CHRM3: variants seen among roughly 807,000 people sequenced by gnomAD.
CHRM3 encodes the protein muscarinic acetylcholine receptor M3.
CHRM3 carries 11 observed loss-of-function variants against 41.8 expected under a neutral mutation model. That is an observed-to-expected ratio of 0.26 (90% CI 0.17 to 0.44). The LOEUF is 0.44. CHRM3 is among the 20% of genes least tolerant of loss of function. The pLI, the probability that CHRM3 is intolerant of heterozygous loss-of-function variation, is 1.00. For synonymous variants in CHRM3, 297 were observed against 301.4 expected (o/e 0.99, Z 0.15); for missense variants, 571 against 745.4 (o/e 0.77, Z 2.72).
chr1:239,415,130 T>G (rs1446082705), intron 1 of CHRM3, among the ~76,000 whole-genome samples: 2 of 152,062 alleles, frequency 1.3e-5, no homozygotes, highest in Non-Finnish European at 2.9e-5. Context: ...GCAAAAAAAG[T>G]CTAAGTTTTT....
At chr1:239,659,729 C>T (rs2149004067) in intron 4 of CHRM3, among the ~76,000 whole-genome samples, 1 of 152,282 alleles carries the variant, frequency 6.6e-6, no homozygotes, top group East Asian at 1.9e-4. Context: ...AAGTGTATCT[C>T]CCCAACTCTC....
chr1:239,610,044 T>C (rs897692977), intron 3 of CHRM3, among the ~76,000 whole-genome samples: 2 of 151,658 alleles, frequency 1.3e-5, no homozygotes, highest in Non-Finnish European at 2.9e-5. Flanking sequence ...TACAAAAAAA[T>C]TAGCCGGGTG....
At chr1:239,405,595 C>T (rs1191000611) in intron 1 of CHRM3, among the ~76,000 whole-genome samples, 1 of 151,964 alleles carries the variant, frequency 6.6e-6, no homozygotes, top group Non-Finnish European at 1.5e-5. Context: ...GCTTCAATTA[C>T]ATTTTTCTTT....
At chr1:239,688,475 A>G (rs1659371813) in intron 5 of CHRM3, among the ~76,000 whole-genome samples, 1 of 141,578 alleles carries the variant, frequency 7.1e-6, no homozygotes, top group South Asian at 2.1e-4. Flanking sequence ...TATATTATAT[A>G]TTATTCAATA....
intron 5 of CHRM3, among the ~76,000 whole-genome samples, chr1:239,786,737 G>GA (rs1248280294): frequency 6.6e-6 from 1 of 151,974 alleles, no homozygotes; most frequent in African/African-American, 2.4e-5. Flanking sequence ...GCTGCTGAAG[G>GA]TGTCATATGC....
rs571745772 is a variant in CHRM3, at chr1:239,832,845, G to T, written c.-20+5467G>T. Among the ~76,000 whole-genome samples the T allele has an allele frequency of 3.3e-5, 5 of 152,256 alleles. No individual in the cohort carries two copies. The East Asian group carries it at 9.7e-4, about 29-fold the overall frequency. On this transcript the variant is annotated intron_variant, in intron 6 of 6. Transcript: ENST00000676153. ...TTAAAGCAAAATTAGGAATGCTTCT[G>T]TTCTCAAGATATTGGGATATCAGGA... is the stretch of plus-strand genomic sequence containing the variant.
intron 3 of CHRM3, among the ~76,000 whole-genome samples, chr1:239,573,936 A>G (rs1469097295): frequency 1.3e-5 from 2 of 151,984 alleles, no homozygotes; most frequent in Admixed American, 6.6e-5. Context: ...TCTATTTAGT[A>G]ATTTCTCTAT....
chr1:239,815,118 T>C (rs980943333), intron 5 of CHRM3, among the ~76,000 whole-genome samples: 12 of 152,210 alleles, frequency 7.9e-5, no homozygotes, highest in African/African-American at 2.7e-4. Flanking sequence ...AAAGTACCCA[T>C]TGATCTTTTT....
intron 3 of CHRM3, among the ~76,000 whole-genome samples, chr1:239,570,837 C>T (rs1661762825): frequency 6.6e-6 from 1 of 152,088 alleles, no homozygotes; most frequent in Non-Finnish European, 1.5e-5. Context: ...GAATGACTAG[C>T]TTTGAGATGG....
At chr1:239,576,436 G>A (rs1428609875) in intron 3 of CHRM3, among the ~76,000 whole-genome samples, 1 of 152,106 alleles carries the variant, frequency 6.6e-6, no homozygotes, top group African/African-American at 2.4e-5. Context: ...TGGCTCATGA[G>A]TGAATATGAA....
chr1:239,750,656 A>G (rs2148574188), intron 5 of CHRM3, among the ~76,000 whole-genome samples: 1 of 152,294 alleles, frequency 6.6e-6, no homozygotes, highest in East Asian at 1.9e-4. Flanking sequence ...AAGGCGGCCA[A>G]CTGTTCAATC....
At chr1:239,718,727 G>T (rs1662642339) in intron 5 of CHRM3, 1 of 151,950 alleles carries the variant, frequency 6.6e-6, no homozygotes, top group Non-Finnish European at 1.5e-5. Flanking sequence ...TCAACTTGAA[G>T]TCATTCAGAA....
chr1:239,427,354 G>A (rs1008816135), intron 1 of CHRM3, among the ~76,000 whole-genome samples: 3 of 152,126 alleles, frequency 2.0e-5, no homozygotes, highest in South Asian at 4.1e-4. Flanking sequence ...AGGCCTGGAG[G>A]GTTGAACGGA....
intron 2 of CHRM3, among the ~76,000 whole-genome samples, chr1:239,511,604 AAATT>A (rs1668925682): frequency 1.3e-5 from 2 of 152,224 alleles, no homozygotes; most frequent in Non-Finnish European, 2.9e-5. Context: ...TTTAAAAAAT[AAATT>A]AGGCTCACTT....
At chr1:239,489,349 T>TTACA (rs1667409428) in intron 1 of CHRM3, among the ~76,000 whole-genome samples, 1 of 151,774 alleles carries the variant, frequency 6.6e-6, no homozygotes, top group Non-Finnish European at 1.5e-5. Flanking sequence ...GAGGCAGAGG[T>TTACA]TACAAGTGAG....
intron 5 of CHRM3, chr1:239,707,191 A>C (rs2148166898): frequency 6.6e-6 from 1 of 152,342 alleles, no homozygotes; most frequent in Non-Finnish European, 1.5e-5. Flanking sequence ...AGTTATATAA[A>C]GAATATAATA....
At chr1:239,630,936 G>A (rs962824852) in intron 3 of CHRM3, among the ~76,000 whole-genome samples, 1 of 152,100 alleles carries the variant, frequency 6.6e-6, no homozygotes, top group Non-Finnish European at 1.5e-5. Flanking sequence ...TGGGAGAGGA[G>A]GAGTCTGAGA....
chr1:239,733,085 C>T (rs1232218698), intron 5 of CHRM3, among the ~76,000 whole-genome samples: 1 of 152,024 alleles, frequency 6.6e-6, no homozygotes, highest in Admixed American at 6.6e-5. Context: ...GCCTAAATGC[C>T]ATTTTATTCA....
At chr1:239,492,621 A>G (rs963245413) in intron 1 of CHRM3, 88 bp from the exon 2 acceptor site, 7 of 152,152 alleles carry the variant, frequency 4.6e-5, no homozygotes, top group Admixed American at 4.6e-4. Context: ...CCACACACTC[A>G]GCTGAGGACG....
Sources: allele counts gnomAD v4.1 joint callset (sites outside exome capture counted in the v4.1 genomes callset), GRCh38; gene constraint gnomAD v4.1.1; transcripts MANE v1.5; gene names NCBI Gene and HGNC (gene_info 2026-07-23, HGNC 2026-07-21).